SPOCK1: variants seen among roughly 807,000 people sequenced by gnomAD.
SPOCK1 encodes the protein testican-1.
SPOCK1 carries 23 observed loss-of-function variants against 55.3 expected under a neutral mutation model. The ratio of observed to expected loss-of-function variants is 0.42; its 90% CI spans 0.30 to 0.59. The LOEUF is 0.59. Among genes scored for constraint, SPOCK1 ranks in the 20% least tolerant of loss-of-function variants. The pLI, the probability that SPOCK1 is intolerant of heterozygous loss-of-function variation, is 0.22. For missense variants in SPOCK1, 499 were observed against 552.5 expected, an observed-to-expected ratio of 0.90 and a Z score of 0.97; for synonymous variants, 226 against 221.0, an observed-to-expected ratio of 1.02 and a Z score of -0.20.
intron 2 of SPOCK1, among the ~76,000 whole-genome samples, chr5:137,442,565 C>T (rs992613638): frequency 2.6e-5 from 4 of 152,174 alleles, no homozygotes; most frequent in East Asian, 1.9e-4. Context: ...AGAGTAGGTG[C>T]TCCATAAATG....
chr5:137,093,984 A>G (rs564863703), intron 5 of SPOCK1, among the ~76,000 whole-genome samples: 1 of 152,320 alleles, frequency 6.6e-6, no homozygotes, highest in African/African-American at 2.4e-5. Context: ...GAGACCAGTA[A>G]TGAGACCATG....
chr5:137,162,314 T>C (rs1241358636), intron 3 of SPOCK1, among the ~76,000 whole-genome samples: 1 of 151,958 alleles, frequency 6.6e-6, no homozygotes, highest in Non-Finnish European at 1.5e-5. Flanking sequence ...ATTTTTTGTA[T>C]TTTTAGTAGA....
chr5:137,470,087 G>C (rs574682305), intron 2 of SPOCK1, among the ~76,000 whole-genome samples: 1 of 152,228 alleles, frequency 6.6e-6, no homozygotes, highest in African/African-American at 2.4e-5. Flanking sequence ...CTGATCTCCT[G>C]CTCCACTGAG....
At chr5:137,074,693 TTTG>T (rs59523966) in intron 5 of SPOCK1, among the ~76,000 whole-genome samples, 66,901 of 148,364 alleles carry the variant, frequency 0.45, 16,389 homozygotes, top group Non-Finnish European at 0.55. Context: ...ATTTTTGTAT[TTTG>T]TTGTTGTTGT....
chr5:137,244,229 A>T (rs1580826063), intron 3 of SPOCK1, among the ~76,000 whole-genome samples: 1 of 152,364 alleles, frequency 6.6e-6, no homozygotes, highest in East Asian at 1.9e-4. Context: ...TCAGGGACTT[A>T]AAGAGTCTGC....
At chr5:137,326,290 A>G (rs1472719198) in intron 2 of SPOCK1, among the ~76,000 whole-genome samples, 1 of 152,078 alleles carries the variant, frequency 6.6e-6, no homozygotes, top group Non-Finnish European at 1.5e-5. Context: ...AAAAAAAAAA[A>G]AAATCTAGAT....
intron 3 of SPOCK1, among the ~76,000 whole-genome samples, chr5:137,205,338 C>T (rs1447208521): frequency 1.3e-5 from 2 of 152,210 alleles, no homozygotes; most frequent in African/African-American, 4.8e-5. Flanking sequence ...TGAAAGGAAG[C>T]TGTCGTGCTC....
intron 2 of SPOCK1, among the ~76,000 whole-genome samples, chr5:137,302,296 G>T (rs546318228): frequency 6.6e-6 from 1 of 152,044 alleles, no homozygotes; most frequent in African/African-American, 2.4e-5. Flanking sequence ...TAGGCTGGGC[G>T]CGGTGGCTCA....
intron 2 of SPOCK1, among the ~76,000 whole-genome samples, chr5:137,287,525 T>A (rs1757292563): frequency 6.6e-6 from 1 of 152,200 alleles, no homozygotes; most frequent in African/African-American, 2.4e-5. Flanking sequence ...GGGCAAAAAT[T>A]TAGTGAAATT....
intron 2 of SPOCK1, among the ~76,000 whole-genome samples, chr5:137,409,641 A>T (rs1010566320): frequency 4.6e-5 from 7 of 152,190 alleles, no homozygotes; most frequent in Non-Finnish European, 1.5e-5. Flanking sequence ...TTGGCACATG[A>T]TGAATATTAC....
At chr5:137,477,323 T>C (rs552062989) in intron 2 of SPOCK1, among the ~76,000 whole-genome samples, 97 of 152,328 alleles carry the variant, frequency 6.4e-4, no homozygotes, top group African/African-American at 2.3e-3. Flanking sequence ...TCTGATTAAT[T>C]TTCTCAAAAA....
At chr5:137,149,320 T>C (rs1276113389) in intron 3 of SPOCK1, among the ~76,000 whole-genome samples, 1 of 152,120 alleles carries the variant, frequency 6.6e-6, no homozygotes, top group Admixed American at 6.5e-5. Flanking sequence ...AAAGATATCA[T>C]CCACAGAGAA....
At chr5:137,162,514 C>T (rs12519397) in intron 3 of SPOCK1, among the ~76,000 whole-genome samples, 5,769 of 152,092 alleles carry the variant, frequency 0.038, 187 homozygotes, top group East Asian at 0.14. Context: ...TTCCCTGCCT[C>T]GGTAGTCATT....
At chr5:137,311,513 C>T (rs771864223) in intron 2 of SPOCK1, among the ~76,000 whole-genome samples, 3 of 152,164 alleles carry the variant, frequency 2.0e-5, no homozygotes, top group Non-Finnish European at 2.9e-5. Flanking sequence ...TCTGTTAAAC[C>T]TCAGTTTCTT....
At chr5:137,313,650 CATCCAAGTCT>C (rs943086337) in intron 2 of SPOCK1, 53 of 239,756 alleles carry the variant, frequency 2.2e-4, no homozygotes, top group African/African-American at 1.2e-3. Flanking sequence ...GGAAAACAAT[CATCCAAGTCT>C]ATCCAAGCTA....
chr5:137,257,127 A>G (rs181009212), intron 3 of SPOCK1, among the ~76,000 whole-genome samples: 52 of 152,324 alleles, frequency 3.4e-4, no homozygotes, highest in African/African-American at 1.2e-3. Context: ...GCTATCTGCA[A>G]TCCTGCTCTG....
At chr5:137,257,437 C>T (rs1056389910) in intron 3 of SPOCK1, among the ~76,000 whole-genome samples, 1 of 150,872 alleles carries the variant, frequency 6.6e-6, no homozygotes, top group Non-Finnish European at 1.5e-5. Flanking sequence ...AGTTCTCGAG[C>T]TCTCTTTCCC....
intron 6 of SPOCK1, among the ~76,000 whole-genome samples, chr5:137,003,874 A>G (rs955222369): frequency 6.6e-6 from 1 of 152,336 alleles, no homozygotes; most frequent in South Asian, 2.1e-4. Flanking sequence ...GGAGGTGTCC[A>G]GAACCTGGGA....
chr5:137,235,486 G>A (rs891496105), intron 3 of SPOCK1, among the ~76,000 whole-genome samples: 2 of 152,218 alleles, frequency 1.3e-5, no homozygotes, highest in African/African-American at 4.8e-5. Flanking sequence ...GATCACAAGT[G>A]CTGACAAGAA....
Sources: gnomAD v4.1 joint callset for allele counts (sites outside exome capture counted in the v4.1 genomes callset) on GRCh38, gnomAD v4.1.1 for gene constraint, MANE v1.5 for transcripts, NCBI Gene and HGNC (gene_info 2026-07-23, HGNC 2026-07-21) for gene names.